Variants in JARID2 observed in about 807,000 individuals in gnomAD.
JARID2 encodes protein Jumonji.
Under a neutral mutation model 125.6 loss-of-function variants are expected in JARID2, and 21 were observed. That is an observed-to-expected ratio of 0.17 (90% CI 0.12 to 0.24). JARID2 has a LOEUF of 0.24. Among genes scored for constraint, JARID2 ranks in the 10% least tolerant of loss-of-function variants. The pLI is 1.00. For missense variants in JARID2, 1,303 were observed against 1,639.6 expected (o/e 0.79, Z 3.55); for synonymous variants, 736 against 661.6 (o/e 1.11, Z -1.73).
At chr6:15,436,205 C>G (rs1480539908) in intron 3 of JARID2, among the ~76,000 whole-genome samples, 1 of 152,176 alleles carries the variant, frequency 6.6e-6, no homozygotes. Context: ...AACCCATGAT[C>G]CTACCCTTGG....
At chr6:15,509,691 C>T (rs965227936) in intron 12 of JARID2, among the ~76,000 whole-genome samples, 6 of 152,228 alleles carry the variant, frequency 3.9e-5, no homozygotes, top group African/African-American at 1.4e-4. Flanking sequence ...GGAGGAGTTA[C>T]ACTGGCTGTG....
intron 3 of JARID2, among the ~76,000 whole-genome samples, chr6:15,440,756 A>G (rs368325358): frequency 6.6e-6 from 1 of 152,358 alleles, no homozygotes; most frequent in South Asian, 2.1e-4. Flanking sequence ...CCGTTGTTTC[A>G]GCATCAGAGA....
At chr6:15,394,700 C>CTTA (rs1240238928) in intron 2 of JARID2, among the ~76,000 whole-genome samples, 2 of 152,196 alleles carry the variant, frequency 1.3e-5, no homozygotes, top group Admixed American at 6.5e-5. Context: ...ACTGGAATAA[C>CTTA]ACCTGTCAAA....
intron 5 of JARID2, among the ~76,000 whole-genome samples, chr6:15,481,707 C>T (rs1301218670): frequency 6.6e-6 from 1 of 152,142 alleles, no homozygotes; most frequent in Non-Finnish European, 1.5e-5. Context: ...TATCGCTGCT[C>T]TAAAACAGCA....
At chr6:15,478,527 T>A (rs1010973373) in intron 5 of JARID2, among the ~76,000 whole-genome samples, 4 of 152,094 alleles carry the variant, frequency 2.6e-5, no homozygotes, top group African/African-American at 9.7e-5. Flanking sequence ...CTAACTCGCA[T>A]GTGCATATTT....
chr6:15,400,770 C>T (rs1011668193), intron 2 of JARID2: 1 of 984,474 alleles, frequency 1.0e-6, no homozygotes, highest in Admixed American at 6.1e-5. Flanking sequence ...TCCCCTCCCC[C>T]TCGGCCCCAT....
intron 1 of JARID2, among the ~76,000 whole-genome samples, chr6:15,250,047 T>A (rs1011279034): frequency 4.6e-5 from 7 of 152,172 alleles, no homozygotes; most frequent in Non-Finnish European, 7.3e-5. Context: ...AGGTATCAGT[T>A]TGAAATAGAG....
intron 15 of JARID2, 86 bp downstream of exon 15, chr6:15,513,131 C>A: frequency 6.3e-7 from 1 of 1,593,300 alleles, no homozygotes. Context: ...CACTTCCTGA[C>A]AGGAGGGTGT....
chr6:15,333,574 A>G (rs1365891084), intron 1 of JARID2, among the ~76,000 whole-genome samples: 2 of 152,234 alleles, frequency 1.3e-5, no homozygotes, highest in African/African-American at 4.8e-5. Context: ...TTAAATACAC[A>G]TAACACCAAA....
intron 1 of JARID2, among the ~76,000 whole-genome samples, chr6:15,371,026 G>A (rs1275229967): frequency 6.6e-6 from 1 of 152,228 alleles, no homozygotes; most frequent in East Asian, 1.9e-4. Context: ...TGTGTGTTGT[G>A]TGTGTTTTAA....
intron 1 of JARID2, among the ~76,000 whole-genome samples, chr6:15,300,759 AG>A (rs1761594364): frequency 9.0e-6 from 1 of 111,662 alleles, no homozygotes; most frequent in East Asian, 2.7e-4. Flanking sequence ...GACAGAGAGG[AG>A]GGGTGGAGAA....
At chr6:15,460,723 C>T (rs1273702166) in intron 4 of JARID2, among the ~76,000 whole-genome samples, 1 of 152,034 alleles carries the variant, frequency 6.6e-6, no homozygotes, top group Non-Finnish European at 1.5e-5. Flanking sequence ...TTTTTTGAGA[C>T]GAAGTCTCCC....
At chr6:15,414,608 T>C (rs1382131016) in intron 3 of JARID2, among the ~76,000 whole-genome samples, 1 of 152,076 alleles carries the variant, frequency 6.6e-6, no homozygotes, top group East Asian at 1.9e-4. Flanking sequence ...GGAAAGCCAG[T>C]CCCCCTTCAG....
chr6:15,509,943 C>G (rs1022693614), intron 12 of JARID2, among the ~76,000 whole-genome samples: 2 of 152,138 alleles, frequency 1.3e-5, no homozygotes, highest in South Asian at 2.1e-4. Flanking sequence ...GTTAGAAACC[C>G]TGTATTTAAA....
At chr6:15,444,761 T>G (rs1458287558) in intron 3 of JARID2, among the ~76,000 whole-genome samples, 7 of 121,158 alleles carry the variant, frequency 5.8e-5, no homozygotes, top group African/African-American at 2.3e-4. Context: ...TTTTTTTGAA[T>G]GAACAGACCC....
At chr6:15,283,929 C>T (rs1760892121) in intron 1 of JARID2, among the ~76,000 whole-genome samples, 1 of 149,790 alleles carries the variant, frequency 6.7e-6, no homozygotes, top group African/African-American at 2.5e-5. Flanking sequence ...GGATGGTCTC[C>T]ATCTCCTGAC....
chr6:15,447,379 T>TA (rs1026123018), intron 3 of JARID2, among the ~76,000 whole-genome samples: 56 of 80,342 alleles, frequency 7.0e-4, no homozygotes, highest in African/African-American at 2.9e-3. Flanking sequence ...GAAGAATTAA[T>TA]AAAAAAAACA....
intron 7 of JARID2, among the ~76,000 whole-genome samples, chr6:15,498,580 T>G (rs1355044595): frequency 1.3e-5 from 2 of 152,128 alleles, no homozygotes; most frequent in Non-Finnish European, 2.9e-5. Context: ...ATTTTGGAGA[T>G]CCTCAATTTT....
intron 2 of JARID2, 44 bp from the exon 3 acceptor site, chr6:15,410,180 T>G: frequency 6.3e-7 from 1 of 1,590,852 alleles, no homozygotes; most frequent in Non-Finnish European, 8.6e-7. Context: ...TGCTGCCTCC[T>G]GATGTGATGT....
Sources: gnomAD v4.1 joint callset for allele counts (sites outside exome capture counted in the v4.1 genomes callset) on GRCh38, gnomAD v4.1.1 for gene constraint, MANE v1.5 for transcripts, NCBI Gene and HGNC (gene_info 2026-07-23, HGNC 2026-07-21) for gene names.